Variants in CEBPZOS observed in about 807,000 individuals in gnomAD.
The protein encoded by CEBPZOS is protein CEBPZOS.
In CEBPZOS, 10 loss-of-function variants were observed where a neutral mutation model predicts 4.8. That is an observed-to-expected ratio of 2.07 (90% confidence interval 1.28 to 3.52). The LOEUF (loss-of-function observed/expected upper bound fraction) is 3.52. Ranked by LOEUF, CEBPZOS falls within the 30% of genes most tolerant of loss-of-function variation. The pLI, the probability that CEBPZOS is intolerant of heterozygous loss-of-function variation, is 0.00. For missense variants in CEBPZOS, 98 were observed against 43.6 expected (o/e 2.25, Z -3.51); for synonymous variants, 25 against 14.2 (o/e 1.77, Z -1.72).
intron 1 of CEBPZOS, 78 bp from the exon 2 acceptor site, chr2:37,199,626 A>G (rs1677112475): frequency 4.5e-6 from 3 of 670,898 alleles, no homozygotes; most frequent in African/African-American, 1.8e-5. Context: ...GTGGGAATGA[A>G]TTTGAGTTAT....
At chr2:37,199,560 CA>C (rs1331134201) in intron 1 of CEBPZOS, 143 bp from the exon 2 acceptor site, 5 of 481,972 alleles carry the variant, frequency 1.0e-5, no homozygotes, top group Non-Finnish European at 1.9e-5. Context: ...ATGTCTAAAC[CA>C]AAAAAGTATA....
chr2:37,204,978 A>G (rs1284377208), downstream of CEBPZOS, among the ~76,000 whole-genome samples: 1 of 152,188 alleles, frequency 6.6e-6, no homozygotes, highest in Non-Finnish European at 1.5e-5. Flanking sequence ...GTAAAGCAAC[A>G]CTTTTCTGTG....
rs530467733 is a variant in CEBPZOS at position 37,211,940 on chromosome 2, A to G, written c.*3-1497A>G. The G allele has an allele frequency of 6.3e-5, 102 of 1,613,840 alleles. No individual in the cohort carries two copies. The East Asian group carries it at 2.1e-3, about 34-fold the overall frequency. On this transcript the variant is annotated intron_variant, in intron 4 of 4. Coordinates refer to the CEBPZOS transcript ENST00000397064. ...CTTCATCATCCATACTTCCTAAAGAAACTTCATCGTCATCCAGGTTACCAA... is the reference window on the plus strand; with the variant it reads ...CTTCATCATCCATACTTCCTAAAGAGACTTCATCGTCATCCAGGTTACCAA...
At position 37,203,159 on chromosome 2, in the gene CEBPZOS, T is replaced by C. The variant is rs947852136; in HGVS notation, c.*1299T>C. The stretch of plus-strand genomic sequence containing the variant: ...CCATTGGGTAGCTGGCATTTAAATA[T>C]AATTTAAGAGTTAGTATATAATATT... On this transcript the variant is annotated 3_prime_UTR_variant, in exon 5 of 5. Transcript: ENST00000402297. 6 of 522,798 alleles carry C rather than the reference T, an allele frequency of 1.1e-5. No homozygotes were observed. Among genetic ancestry groups the C allele is most frequent in the African/African-American group, 9.9e-5 (5 of 50,560 alleles). 32.4% of individuals were successfully genotyped at this position (522,798 alleles called of 1,614,324 possible). A position where few individuals can be genotyped will look rare whatever the true frequency, so the allele number is the denominator to read the frequency against.
At chr2:37,197,462 C>T (rs1194743479) in intron 1 of CEBPZOS, 1 of 152,270 alleles carries the variant, frequency 6.6e-6, no homozygotes. Context: ...TAACCCTGGC[C>T]TACAGATGGA....
chr2:37,203,009 C>A lies in CEBPZOS; in HGVS notation c.*1149C>A. ...AAGTTTCTTTTCTTTTTTCTTGGCCCTAAAAAAAATTGTAAGTCTACATTA... is the reference window on the plus strand; with the variant it reads ...AAGTTTCTTTTCTTTTTTCTTGGCCATAAAAAAAATTGTAAGTCTACATTA... On this transcript the variant is annotated 3_prime_UTR_variant, in exon 5 of 5. Coordinates refer to ENST00000402297, the MANE Select transcript of CEBPZOS (RefSeq NM_001322374.2). 1 of 1,532,992 alleles carries A rather than the reference C, an allele frequency of 6.5e-7. No homozygotes were observed. The highest frequency in any genetic ancestry group is 8.7e-7 in the Non-Finnish European group (1 of 1,142,998). The allele number at this position is 1,532,992 out of a possible 1,614,324, so 95.0% of individuals were successfully genotyped here. A position where few individuals can be genotyped will look rare whatever the true frequency, so the allele number is the denominator to read the frequency against.
downstream of CEBPZOS, among the ~76,000 whole-genome samples, chr2:37,208,275 G>C (rs144017308): frequency 8.5e-3 from 1,296 of 152,266 alleles, 24 homozygotes; most frequent in African/African-American, 0.03. Flanking sequence ...GGGAAAGAGG[G>C]AATCCTCCCT....
downstream of CEBPZOS, among the ~76,000 whole-genome samples, chr2:37,207,979 A>G (rs965660305): frequency 2.6e-5 from 4 of 152,168 alleles, no homozygotes; most frequent in Non-Finnish European, 5.9e-5. Context: ...TACAACCGAT[A>G]CCACAGAAAT....
At chr2:37,201,185 A>G (rs538673873) in intron 3 of CEBPZOS, 93 bp downstream of exon 3, 8 of 660,878 alleles carry the variant, frequency 1.2e-5, no homozygotes, top group Middle Eastern at 3.0e-4. Flanking sequence ...AATTTCTAAC[A>G]ATACTATTCA....
intron 1 of CEBPZOS, among the ~76,000 whole-genome samples, chr2:37,198,142 A>G (rs1229060682): frequency 2.6e-5 from 4 of 152,218 alleles, no homozygotes; most frequent in African/African-American, 9.6e-5. Context: ...CCTGGGCGAC[A>G]GAGCGAGACC....
chr2:37,205,741 A>G (rs1393210184), downstream of CEBPZOS, among the ~76,000 whole-genome samples: 1 of 152,252 alleles, frequency 6.6e-6, no homozygotes, highest in Non-Finnish European at 1.5e-5. Flanking sequence ...AAGTATGTAC[A>G]GTGCTTTCTA....
chr2:37,210,534 CATTCTAT>C (rs1334378088), intron 4 of CEBPZOS: 2 of 152,008 alleles, frequency 1.3e-5, no homozygotes, highest in African/African-American at 4.8e-5. Context: ...GAAAACCAAA[CATTCTAT>C]GTTCTCAGTT....
intron 3 of CEBPZOS, chr2:37,201,424 T>A (rs1204607392): frequency 1.9e-6 from 1 of 523,998 alleles, no homozygotes; most frequent in Non-Finnish European, 3.4e-6. Context: ...GTCAAGTAGA[T>A]AAAGACTGAA....
downstream of CEBPZOS, chr2:37,209,097 G>A (rs1677636445): frequency 6.6e-6 from 1 of 151,424 alleles, no homozygotes; most frequent in Admixed American, 6.6e-5. Flanking sequence ...TCAAGGAGGT[G>A]AAAGATCTCT....
downstream of CEBPZOS, chr2:37,209,085 A>C (rs1358156306): frequency 6.6e-6 from 1 of 151,996 alleles, no homozygotes; most frequent in Non-Finnish European, 1.5e-5. Context: ...GAATACACCT[A>C]ATCAAGGAGG....
chr2:37,208,284 C>T (rs1677605468), downstream of CEBPZOS, among the ~76,000 whole-genome samples: 1 of 152,104 alleles, frequency 6.6e-6, no homozygotes, highest in African/African-American at 2.4e-5. Context: ...GGAATCCTCC[C>T]TAAATCATTC....
intron 1 of CEBPZOS, 49 bp from the exon 2 acceptor site, chr2:37,199,655 A>G: frequency 2.9e-6 from 2 of 694,426 alleles, no homozygotes; most frequent in Non-Finnish European, 5.4e-6. Context: ...TGATAATAGT[A>G]GTTTAAGTAT....
At chr2:37,211,623 A>G in intron 4 of CEBPZOS, 1 of 465,856 alleles carries the variant, frequency 2.1e-6, no homozygotes, top group East Asian at 3.4e-5. Context: ...TTAAAGTAAA[A>G]GTCCAAAGCT....
At chr2:37,201,833 G>A (rs1158862823) in intron 4 of CEBPZOS, 30 bp from the exon 5 acceptor site, 3 of 1,607,552 alleles carry the variant, frequency 1.9e-6, no homozygotes, top group Middle Eastern at 1.7e-4. Flanking sequence ...TCTTTTTCTT[G>A]ATGATACTTT....
Sources: gnomAD v4.1 joint callset for allele counts (sites outside exome capture counted in the v4.1 genomes callset) on GRCh38, gnomAD v4.1.1 for gene constraint, MANE v1.5 for transcripts, NCBI Gene and HGNC (gene_info 2026-07-23, HGNC 2026-07-21) for gene names.